The following ZFPM1 variants were observed in gnomAD, a reference collection of about 807,000 sequenced individuals.
ZFPM1 encodes zinc finger protein ZFPM1.
In ZFPM1, 28 loss-of-function variants were observed where a neutral mutation model predicts 46.3. The ratio of observed to expected loss-of-function variants is 0.60; its 90% CI spans 0.45 to 0.83. The LOEUF is 0.83. Among genes scored for constraint, ZFPM1 ranks in the 40% least tolerant of loss-of-function variants. The probability of loss-of-function intolerance (pLI) is 0.00; values close to 1 mark genes in which losing one functional copy is unlikely to be tolerated. For synonymous variants in ZFPM1, 957 were observed against 675.9 expected (o/e 1.42, Z -6.45); for missense variants, 1,878 against 1,432.4 (o/e 1.31, Z -5.02).
At chr16:88,472,336 CT>C (rs1908464133) in intron 1 of ZFPM1, among the ~76,000 whole-genome samples, 2 of 150,408 alleles carry the variant, frequency 1.3e-5, no homozygotes, top group African/African-American at 4.9e-5. Context: ...GCATTTCCTG[CT>C]TTTTTGTTTG....
intron 3 of ZFPM1, among the ~76,000 whole-genome samples, chr16:88,510,527 G>A (rs1016190579): frequency 1.3e-5 from 2 of 152,244 alleles, no homozygotes; most frequent in African/African-American, 2.4e-5. Context: ...TTGAATCCCA[G>A]CACAGCGTGT....
intron 4 of ZFPM1, chr16:88,516,316 C>T (rs1005828361): frequency 3.0e-5 from 12 of 397,800 alleles, no homozygotes; most frequent in Non-Finnish European, 4.9e-5. Context: ...CCTCCCTGTC[C>T]GCCTGCCTCC....
intron 1 of ZFPM1, among the ~76,000 whole-genome samples, chr16:88,460,499 T>C (rs1907768288): frequency 6.6e-6 from 1 of 152,210 alleles, no homozygotes; most frequent in South Asian, 2.1e-4. Flanking sequence ...AGGACTCAAG[T>C]CCTGCCCTGG....
chr16:88,514,548 C>T, intron 4 of ZFPM1, 28 bp downstream of exon 4: 2 of 1,540,750 alleles, frequency 1.3e-6, no homozygotes, highest in Non-Finnish European at 1.7e-6. Context: ...CCGCCCCTGC[C>T]CGCCCACCCC....
rs1464875050 is a variant in ZFPM1 at position 88,520,792 on chromosome 16, AATAG to A, written c.403-6019_403-6016del. ...GGATGATTGGGTGGATGGATGGATG[AATAG>A]ATGGATGGGTGGGTGGATGGATGGA... On this transcript the variant is annotated intron_variant, in intron 4 of 9. Coordinates refer to ENST00000319555, the MANE Select transcript of ZFPM1 (RefSeq NM_153813.3). Among the ~76,000 whole-genome samples, 7 of 83,548 alleles carry A rather than the reference AATAG, an allele frequency of 8.4e-5. No individual in the cohort carries two copies. In the South Asian group the frequency reaches 2.7e-3, roughly 33 times the overall value. The allele number at this position is 83,548 out of a possible 152,430, so 54.8% of individuals were successfully genotyped here. A position where few individuals can be genotyped will look rare whatever the true frequency, so the allele number is the denominator to read the frequency against.
chr16:88,492,176 T>A (rs1909618443), intron 3 of ZFPM1, among the ~76,000 whole-genome samples: 1 of 151,822 alleles, frequency 6.6e-6, no homozygotes, highest in South Asian at 2.1e-4. Context: ...CCTCCCTCCC[T>A]GCCTCTCTTT....
rs372463620 is a variant in ZFPM1 at position 88,490,997 on chromosome 16, A to G, written c.268+1844A>G. ...GCCCAGGACACACCTGTCGGGGGTC[A>G]GACAGGCGCTGGTGCCTTCGGGGCT... On this transcript the variant is annotated intron_variant, in intron 3 of 9. Transcript: ENST00000319555. Among the ~76,000 whole-genome samples, 252 of 150,036 alleles carry G rather than the reference A, an allele frequency of 1.7e-3. 1 individual carries two copies. The highest frequency in any genetic ancestry group is 6.0e-3 in the African/African-American group (244 of 40,690).
In ZFPM1 at chr16:88,532,006, C is replaced by T. The variant is rs369794549; in HGVS notation, c.717C>T (p.Asp239=). Residue 239 remains aspartate, a synonymous_variant, in exon 7 of 10, where the codon GAC becomes GAT. Coordinates refer to ENST00000319555, the MANE Select transcript of ZFPM1 (RefSeq NM_153813.3). ...SILATAVINK[D]VFPCKDCGIW... Reference sequence around the variant, plus strand: ...CGCCTGCTTCCCACCCCACAGAAGACGTCTTCCCCTGCAAGGACTGTGGCA... The same window carrying T: ...CGCCTGCTTCCCACCCCACAGAAGATGTCTTCCCCTGCAAGGACTGTGGCA... 1.4e-5 allele frequency: 23 copies of T among 1,599,786 alleles called. No homozygotes were observed. Among genetic ancestry groups the T allele is most frequent in the South Asian group, 7.8e-5 (7 of 90,052 alleles).
chr16:88,534,965 G>A lies in ZFPM1; in HGVS notation c.3007G>A (p.Glu1003Lys). ...GTATTACTGCTCCTCGCACGCCGCC[G>A]AGCACGTGAAGTGAGCGCCCACACT... ...KKYYCSSHAAEHVK is the reference protein window; with the variant it reads ...KKYYCSSHAAKHVK Residue 1003 changes from glutamate (E) to lysine (K), a missense_variant, in exon 10 of 10, where the codon GAG (glutamate) becomes AAG (lysine). Transcript: ENST00000319555. The A allele has an allele frequency of 1.4e-6, 2 of 1,466,282 alleles. No individual in the cohort carries two copies. Among genetic ancestry groups the A allele is most frequent in the Non-Finnish European group, 9.1e-7 (1 of 1,096,788 alleles). The allele number at this position is 1,466,282 out of a possible 1,614,324, so 90.8% of individuals were successfully genotyped here.
intron 3 of ZFPM1, among the ~76,000 whole-genome samples, chr16:88,511,341 TGGCTTG>T (rs1193186626): frequency 6.6e-6 from 1 of 152,062 alleles, no homozygotes; most frequent in African/African-American, 2.4e-5. Flanking sequence ...GCTCCCAGTG[TGGCTTG>T]GGCACTCCTC....
chr16:88,487,432 T>C (rs138991131), intron 2 of ZFPM1, among the ~76,000 whole-genome samples: 1 of 152,282 alleles, frequency 6.6e-6, no homozygotes, highest in Admixed American at 6.5e-5. Flanking sequence ...GTGGGTGACA[T>C]GAGCTGGGGT....
intron 6 of ZFPM1, among the ~76,000 whole-genome samples, chr16:88,530,020 G>T (rs1046302445): frequency 2.0e-5 from 3 of 152,184 alleles, no homozygotes; most frequent in Non-Finnish European, 2.9e-5. Context: ...AACACGGGCC[G>T]CAGGTGACTG....
chr16:88,531,017 G>C (rs1912745737), intron 6 of ZFPM1: 1 of 152,266 alleles, frequency 6.6e-6, no homozygotes, highest in Non-Finnish European at 1.5e-5. Flanking sequence ...ACCCCTGCGT[G>C]ATAACTGCAG....
At chr16:88,461,304 G>A (rs1907880329) in intron 1 of ZFPM1, among the ~76,000 whole-genome samples, 1 of 152,068 alleles carries the variant, frequency 6.6e-6, no homozygotes, top group Non-Finnish European at 1.5e-5. Flanking sequence ...GATGCTTGCT[G>A]GGGAGTCCCC....
intron 1 of ZFPM1, among the ~76,000 whole-genome samples, chr16:88,461,783 C>T (rs940245137): frequency 5.3e-5 from 8 of 152,186 alleles, no homozygotes; most frequent in Admixed American, 3.9e-4. Flanking sequence ...GCTGGCCTCA[C>T]ACCCCAGCCC....
intron 1 of ZFPM1, among the ~76,000 whole-genome samples, chr16:88,467,787 G>GT (rs1908204893): frequency 6.6e-6 from 1 of 152,110 alleles, no homozygotes; most frequent in African/African-American, 2.4e-5. Flanking sequence ...GCTTTGGGAG[G>GT]TGGGGGTGGG....
rs1480402812 is a variant in ZFPM1 at position 88,514,505 on chromosome 16, C to A, written c.387C>A (p.Pro129=). ...HGSVQTRASS[P]RQAEPSPALT... ...GTGTCCAGACCAGAGCCTCATCCCC[C>A]AGGCAGGCGGAGCCGGTAAGAAGCC... Residue 129 remains proline (P), a synonymous_variant, in exon 4 of 10, where the codon CCC becomes CCA. Coordinates refer to ENST00000319555, the MANE Select transcript of ZFPM1 (RefSeq NM_153813.3). The A allele has an allele frequency of 7.0e-6, 11 of 1,561,796 alleles. No homozygotes were observed. Among genetic ancestry groups the A allele is most frequent in the Non-Finnish European group, 9.5e-6 (11 of 1,153,634 alleles).
At chr16:88,461,163 ACCTGGTGAGGACCGAGGGGCGGGGCGGG>A (rs1907851823) in intron 1 of ZFPM1, among the ~76,000 whole-genome samples, 1 of 39,856 alleles carries the variant, frequency 2.5e-5, no homozygotes, top group African/African-American at 1.7e-4. Context: ...GGGGCGGGAG[ACCTGGTGAGGACCGAGGGGCGGGGCGGG>A]AGGCCTGGTG....
intron 1 of ZFPM1, among the ~76,000 whole-genome samples, chr16:88,460,782 G>T (rs1398643959): frequency 6.6e-6 from 1 of 152,216 alleles, no homozygotes; most frequent in Admixed American, 6.5e-5. Context: ...CCCTGGTCCC[G>T]CGTCAGGAAG....
Sources: allele counts gnomAD v4.1 joint callset (sites outside exome capture counted in the v4.1 genomes callset), GRCh38; gene constraint gnomAD v4.1.1; transcripts MANE v1.5; gene names NCBI Gene and HGNC (gene_info 2026-07-23, HGNC 2026-07-21).